Variants in WDFY4 observed in about 807,000 individuals in gnomAD.
The protein encoded by WDFY4 is WDFY family member 4, also known as WD repeat- and FYVE domain-containing protein 4.
WDFY4 carries 169 observed loss-of-function variants against 351.9 expected under a neutral mutation model. That is an observed-to-expected ratio of 0.48 (90% CI 0.42 to 0.55). The LOEUF (loss-of-function observed/expected upper bound fraction) is 0.55. Among genes scored for constraint, WDFY4 ranks in the 20% least tolerant of loss-of-function variants. The pLI, the probability that WDFY4 is intolerant of heterozygous loss-of-function variation, is 0.00. For synonymous variants in WDFY4, 1,622 were observed against 1,574.6 expected, an observed-to-expected ratio of 1.03 and a Z score of -0.71; for missense variants, 3,803 against 3,935.6, an observed-to-expected ratio of 0.97 and a Z score of 0.90.
chr10:48,883,329 A>T (rs910427765), intron 43 of WDFY4, among the ~76,000 whole-genome samples: 3 of 152,178 alleles, frequency 2.0e-5, no homozygotes, highest in African/African-American at 7.2e-5. Flanking sequence ...GGAAAGGAGG[A>T]TGGGTGCATT....
intron 2 of WDFY4, among the ~76,000 whole-genome samples, chr10:48,711,971 T>G (rs2063778909): frequency 6.6e-6 from 1 of 152,248 alleles, no homozygotes; most frequent in South Asian, 2.1e-4. Context: ...CAACCCATAT[T>G]ACTAATGAAT....
chr10:48,942,076 T>C (rs1225966879), intron 48 of WDFY4, among the ~76,000 whole-genome samples: 1 of 152,200 alleles, frequency 6.6e-6, no homozygotes, highest in Non-Finnish European at 1.5e-5. Flanking sequence ...GCGATTCTCC[T>C]GCCTCAGCCT....
At chr10:48,835,533 C>A (rs2068357302) in intron 39 of WDFY4, among the ~76,000 whole-genome samples, 1 of 152,230 alleles carries the variant, frequency 6.6e-6, no homozygotes, top group Non-Finnish European at 1.5e-5. Context: ...CGGGGAATGT[C>A]TCCCTCACCT....
intron 23 of WDFY4, among the ~76,000 whole-genome samples, chr10:48,792,592 A>T (rs549478041): frequency 2.6e-5 from 4 of 152,340 alleles, no homozygotes; most frequent in South Asian, 2.1e-4. Context: ...CAGCACAAGG[A>T]TATCTGCTGT....
chr10:48,784,603 G>A (rs2066337284), intron 19 of WDFY4, among the ~76,000 whole-genome samples: 1 of 126,982 alleles, frequency 7.9e-6, no homozygotes, highest in African/African-American at 3.1e-5. Context: ...GTGAAGTGGT[G>A]CAATCTCGGC....
chr10:48,904,506 C>A (rs913217733), intron 47 of WDFY4, among the ~76,000 whole-genome samples: 1 of 152,184 alleles, frequency 6.6e-6, no homozygotes, highest in Non-Finnish European at 1.5e-5. Context: ...TGGCTCCAGG[C>A]ATGGCTGGAC....
At chr10:48,747,170 T>C (rs1363922772) in intron 12 of WDFY4, among the ~76,000 whole-genome samples, 1 of 152,212 alleles carries the variant, frequency 6.6e-6, no homozygotes, top group East Asian at 1.9e-4. Context: ...ACAGTTATTT[T>C]CTCACAGTAA....
At chr10:48,784,850 CTT>C (rs1255134626) in intron 19 of WDFY4, among the ~76,000 whole-genome samples, 12,423 of 80,324 alleles carry the variant, frequency 0.15, 878 homozygotes, top group African/African-American at 0.3. Flanking sequence ...GCATCGTTTA[CTT>C]TTTTTTTTTT....
rs991864232 is a variant in WDFY4 at position 48,957,188 on chromosome 10, G to A, written c.8037G>A (p.Ser2679=). The part of the protein sequence containing the change: ...MFHSVKSTWE[S]ASRENMSDVR... ...ACAGTGTGAAGAGCACGTGGGAGTC[G>A]GCCTCCAGAGAGAACATGAGTGACG... Residue 2679 remains serine, a synonymous_variant, in exon 52 of 62, where the codon TCG becomes TCA. Coordinates refer to ENST00000325239, the MANE Select transcript of WDFY4 (RefSeq NM_001394531.1). The A allele has an allele frequency of 8.4e-5, 130 of 1,551,498 alleles. No homozygotes were observed. Among genetic ancestry groups the A allele is most frequent in the Middle Eastern group, 1.7e-4 (1 of 6,014 alleles).
At chr10:48,875,954 C>T (rs2069987070) in intron 42 of WDFY4, among the ~76,000 whole-genome samples, 3 of 152,222 alleles carry the variant, frequency 2.0e-5, no homozygotes, top group South Asian at 2.1e-4. Context: ...TGATTGCCTG[C>T]CTGCTCCAGC....
intron 47 of WDFY4, among the ~76,000 whole-genome samples, chr10:48,931,509 T>C (rs1032784889): frequency 2.0e-5 from 3 of 152,154 alleles, no homozygotes; most frequent in Admixed American, 6.5e-5. Flanking sequence ...TGGCCCGTAT[T>C]ATGGTGCAAT....
chr10:48,820,588 C>T, intron 33 of WDFY4, 151 bp downstream of exon 33: 1 of 379,666 alleles, frequency 2.6e-6, no homozygotes, highest in Non-Finnish European at 3.6e-6. Context: ...AAAAAAGCAA[C>T]AGGTGATAGA....
intron 44 of WDFY4, among the ~76,000 whole-genome samples, chr10:48,891,028 A>G (rs990342508): frequency 4.6e-5 from 7 of 152,202 alleles, no homozygotes; most frequent in Non-Finnish European, 1.0e-4. Flanking sequence ...GTCGCCGTCA[A>G]CTTACTCACT....
At chr10:48,826,259 T>C (rs2068005945) in intron 35 of WDFY4, among the ~76,000 whole-genome samples, 2 of 152,200 alleles carry the variant, frequency 1.3e-5, no homozygotes, top group Admixed American at 6.5e-5. Flanking sequence ...GAAGATCAGA[T>C]GGTTGTAGAT....
chr10:48,936,971 G>A (rs1589948269), intron 47 of WDFY4, among the ~76,000 whole-genome samples: 1 of 151,708 alleles, frequency 6.6e-6, no homozygotes, highest in Admixed American at 6.6e-5. Context: ...CCAGGCTGGA[G>A]TGCAGTGGCA....
intron 11 of WDFY4, 153 bp downstream of exon 11, chr10:48,736,223 T>C (rs41282001): frequency 6.1e-6 from 5 of 815,552 alleles, no homozygotes; most frequent in East Asian, 2.7e-5. Flanking sequence ...CTGTAACAAA[T>C]AAATCCCATA....
At chr10:48,795,107 G>A (rs1379868956) in intron 23 of WDFY4, among the ~76,000 whole-genome samples, 3 of 152,122 alleles carry the variant, frequency 2.0e-5, no homozygotes, top group Non-Finnish European at 4.4e-5. Context: ...TCCTTGAGAT[G>A]GTGACCAGTA....
chr10:48,844,540 C>T (rs948193264), intron 39 of WDFY4, among the ~76,000 whole-genome samples: 5 of 151,992 alleles, frequency 3.3e-5, no homozygotes, highest in African/African-American at 9.7e-5. Flanking sequence ...TGCAGTGAGC[C>T]GAGATTGAGC....
chr10:48,734,803 G>T (rs1385184999), intron 10 of WDFY4, among the ~76,000 whole-genome samples: 3 of 149,924 alleles, frequency 2.0e-5, no homozygotes, highest in Non-Finnish European at 3.0e-5. Context: ...TTGAGGCAGA[G>T]TCTCACTCTG....
Sources: gnomAD v4.1 joint callset for allele counts (sites outside exome capture counted in the v4.1 genomes callset) on GRCh38, gnomAD v4.1.1 for gene constraint, MANE v1.5 for transcripts, NCBI Gene and HGNC (gene_info 2026-07-23, HGNC 2026-07-21) for gene names.